DOCK6: variants seen among roughly 807,000 people sequenced by gnomAD.
DOCK6 encodes dedicator of cytokinesis 6.
In DOCK6, 167 loss-of-function variants were observed where a neutral mutation model predicts 230.3. The observed-to-expected ratio is 0.73, with a 90% confidence interval of 0.64 to 0.82. The LOEUF (loss-of-function observed/expected upper bound fraction) is 0.82, where lower values mean the gene tolerates loss of function less well. DOCK6 is among the 40% of genes least tolerant of loss of function. The pLI is 0.00. For synonymous variants in DOCK6, 1,148 were observed against 1,185.0 expected (o/e 0.97, Z 0.64); for missense variants, 2,598 against 2,825.8 (o/e 0.92, Z 1.83).
At chr19:11,258,797 C>A (rs562181388) in intron 1 of DOCK6, among the ~76,000 whole-genome samples, 1 of 141,566 alleles carries the variant, frequency 7.1e-6, no homozygotes, top group Non-Finnish European at 1.5e-5. Context: ...GTCTCTGTCA[C>A]CCAGGCTGGA....
Position 11,243,026 on chromosome 19 carries a change from T to C in DOCK6, c.1480+33A>G, listed in dbSNP as rs771187521. The C allele has an allele frequency of 6.2e-7, 1 of 1,611,436 alleles. No individual in the cohort carries two copies. The highest frequency in any genetic ancestry group is 1.1e-5 in the South Asian group (1 of 91,050). ...GGTTTGTTGAGTGGCTGAGTGAGAG[T>C]GATACTTCTTGTGTATGGGGTGTGC... On this transcript the variant is annotated intron_variant, in intron 13 of 47. Transcript: ENST00000294618. This position sits in a 1 kb window ranked among gnomAD's most constrained non-coding sequence, Gnocchi z 6.3.
chr19:11,259,881 CTTTT>C (rs1205836383), intron 1 of DOCK6, among the ~76,000 whole-genome samples: 2 of 67,780 alleles, frequency 3.0e-5, no homozygotes, highest in African/African-American at 6.0e-5. Flanking sequence ...CGCGCCCGGC[CTTTT>C]TTTTTTTTTT....
chr19:11,224,052 T>A (rs2079622975), intron 24 of DOCK6, among the ~76,000 whole-genome samples: 2 of 152,082 alleles, frequency 1.3e-5, no homozygotes, highest in African/African-American at 4.8e-5. Context: ...ATCCAGTGTG[T>A]GTGTGTGGGG....
chr19:11,228,945 G>C lies in DOCK6; in HGVS notation c.2809C>G (p.Leu937Val). The change falls in exon 23 of 48, where the codon CTC becomes GTC. Residue 937 changes from leucine to valine, a missense_variant. Coordinates refer to ENST00000294618, the MANE Select transcript of DOCK6 (RefSeq NM_020812.4). ...CAGGGAGGAGGGGGTCTCACCATGA[G>C]CTGGAAGAAGAACCAGGCGTGCTGG... Reference protein sequence around the residue: ...ILQHAWFFFQLMVKSMALHLL... With the variant: ...ILQHAWFFFQVMVKSMALHLL... 6.2e-7 allele frequency: 1 copy of C among 1,613,820 alleles called. No homozygotes were observed. The highest frequency in any genetic ancestry group is 1.1e-5 in the South Asian group (1 of 91,078).
At chr19:11,257,507 A>AAG (rs55968166) in intron 1 of DOCK6, among the ~76,000 whole-genome samples, 2 of 149,022 alleles carry the variant, frequency 1.3e-5, no homozygotes, top group African/African-American at 5.0e-5. Context: ...AAAAAAAAAA[A>AAG]GCTGGGCACT....
In DOCK6 at chr19:11,233,769, G is replaced by C. The variant is rs567203715; in HGVS notation, c.2555-403C>G. Among the ~76,000 whole-genome samples, 181 of 152,252 alleles carry C rather than the reference G, an allele frequency of 1.2e-3. 2 individuals carry two copies. Among genetic ancestry groups the C allele is most frequent in the African/African-American group, 4.1e-3 (170 of 41,560 alleles). On this transcript the variant is annotated intron_variant, in intron 21 of 47. Transcript: ENST00000294618. ...GCAACAGGATTACTTGAGCCCAGGA[G>C]TTTAAGGCAGCAGTGAGTTATGATC...
In DOCK6 at chr19:11,213,284, G is replaced by C; in HGVS notation, c.4383C>G (p.Asp1461Glu). Residue 1461 changes from aspartate (D) to glutamate (E), a missense_variant, in exon 35 of 48, where the codon GAC becomes GAG. Physicochemically the swap from Asp to Glu is conservative, Grantham distance 45. Transcript: ENST00000294618. ...AGTGTCGTAGGAGCCTCAGGCACAG[G>C]TCGGCACACAGCTCCGTGTCCTCCT... The part of the protein sequence containing the change: ...LFEEDTELCA[D>E]LCLRLLRHCG... 6.2e-7 allele frequency: 1 copy of C among 1,612,892 alleles called. No homozygotes were observed.
In DOCK6 at chr19:11,249,986, A is replaced by G. The variant is rs1178216764; in HGVS notation, c.720+888T>C. 4.7e-5 allele frequency among the ~76,000 whole-genome samples: 7 copies of G among 150,510 alleles called. No individual in the cohort carries two copies. The East Asian group carries it at 7.8e-4, about 17-fold the overall frequency. On this transcript the variant is annotated intron_variant, in intron 6 of 47. Transcript: ENST00000294618. ...ATACTGGTTAGCTAACTATAAAGGTATATAGTAGGTGTCCATATACAGAAG... is the reference window on the plus strand; with the variant it reads ...ATACTGGTTAGCTAACTATAAAGGTGTATAGTAGGTGTCCATATACAGAAG...
intron 1 of DOCK6, among the ~76,000 whole-genome samples, chr19:11,256,377 C>G (rs1042696907): frequency 1.3e-5 from 2 of 152,136 alleles, no homozygotes; most frequent in African/African-American, 4.8e-5. Context: ...TCCTTTTCCC[C>G]TTGGCCTTGG....
Position 11,248,095 on chromosome 19 carries a change from T to C in DOCK6, c.777A>G (p.Gln259=), listed in dbSNP as rs761196348. Residue 259 remains glutamine, a synonymous_variant, in exon 7 of 48, where the codon CAA becomes CAG. Transcript: ENST00000294618. ...GCGACAGACACTTGACCAAGATCCTTTGTCCAAAGTGCTCGCGGGGTGGCT... is the reference window on the plus strand; with the variant it reads ...GCGACAGACACTTGACCAAGATCCTCTGTCCAAAGTGCTCGCGGGGTGGCT... The part of the protein sequence containing the change: ...RPEPPREHFG[Q]RILVKCLSLK... The C allele has an allele frequency of 6.2e-7, 1 of 1,612,682 alleles. No homozygotes were observed. Among genetic ancestry groups the C allele is most frequent in the Non-Finnish European group, 8.5e-7 (1 of 1,179,452 alleles).
chr19:11,230,085 G>A lies in DOCK6; in HGVS notation c.2719-1050C>T, dbSNP rs923758607. On this transcript the variant is annotated intron_variant, in intron 22 of 47. Coordinates refer to ENST00000294618, the MANE Select transcript of DOCK6 (RefSeq NM_020812.4). ...AAAAAAGGAGGATGCTGTAATCCTAGCACTTTGGGAGGCCGAGGCAGGTAG... is the reference window on the plus strand; with the variant it reads ...AAAAAAGGAGGATGCTGTAATCCTAACACTTTGGGAGGCCGAGGCAGGTAG... 2.0e-5 allele frequency among the ~76,000 whole-genome samples: 3 copies of A among 149,400 alleles called. No individual in the cohort carries two copies. In the East Asian group the frequency reaches 5.9e-4, roughly 29 times the overall value.
At position 11,250,985 on chromosome 19, in the gene DOCK6, C is replaced by T. The variant is rs1308981765; in HGVS notation, c.609G>A (p.Leu203=). ...DLRNLAADSL[L]PSLLERAAPE... ...GGGCCGCCCGCTCTAGCAGAGAGGG[C>T]AGCAATGAGTCAGCTGCCAGGTTCC... The change falls in exon 6 of 48, where the codon CTG becomes CTA. Residue 203 remains leucine, a synonymous_variant. Transcript: ENST00000294618. 9.3e-6 allele frequency: 15 copies of T among 1,613,826 alleles called. No individual in the cohort carries two copies. Among genetic ancestry groups the T allele is most frequent in the Non-Finnish European group, 1.3e-5 (15 of 1,179,872 alleles).
intron 1 of DOCK6, among the ~76,000 whole-genome samples, chr19:11,259,485 T>C (rs922028254): frequency 3.3e-5 from 5 of 151,476 alleles, no homozygotes; most frequent in African/African-American, 1.2e-4. Context: ...AGTGGTAACT[T>C]TGGGATTTTG....
In DOCK6 at chr19:11,200,781, C is replaced by CG. The variant is rs753082503; in HGVS notation, c.5873dup (p.Glu1959GlyfsTer24). The CG allele has an allele frequency of 6.2e-7, 1 of 1,613,306 alleles. No individual in the cohort carries two copies. The highest frequency in any genetic ancestry group is 1.3e-5 in the African/African-American group (1 of 74,896). On this transcript the variant is annotated frameshift_variant, in exon 46 of 48. Coordinates refer to ENST00000294618, the MANE Select transcript of DOCK6 (RefSeq NM_020812.4). LOFTEE classifies it high-confidence loss of function. This position sits in a 1 kb window ranked among gnomAD's most constrained non-coding sequence, Gnocchi z 4.3. Reference sequence around the variant, plus strand: ...GATGCCGGAAGAGCTTGGGGTCTTCCGGGATCTCTGCTAAAAACACCTGGG... The same window carrying CG: ...GATGCCGGAAGAGCTTGGGGTCTTCCGGGGATCTCTGCTAAAAACACCTGGG...
In DOCK6 at chr19:11,243,725, C is replaced by G. The variant is rs377289176; in HGVS notation, c.1105-15G>C. Reference sequence around the variant, plus strand: ...TTCTCTTTGTTCTGTGGGGAGACCCCGTCCCCTGCCAGCTCAGCATCCTAG... The same window carrying G: ...TTCTCTTTGTTCTGTGGGGAGACCCGGTCCCCTGCCAGCTCAGCATCCTAG... On this transcript the variant is annotated splice_polypyrimidine_tract_variant and intron_variant, in intron 10 of 47. Coordinates refer to ENST00000294618, the MANE Select transcript of DOCK6 (RefSeq NM_020812.4). This position sits in a 1 kb window ranked among gnomAD's most constrained non-coding sequence, Gnocchi z 6.3. 2 of 1,613,708 alleles carry G rather than the reference C, an allele frequency of 1.2e-6. No homozygotes were observed. The highest frequency in any genetic ancestry group is 1.7e-6 in the Non-Finnish European group (2 of 1,179,820).
chr19:11,258,835 C>A (rs145615531), intron 1 of DOCK6, among the ~76,000 whole-genome samples: 1,861 of 151,894 alleles, frequency 0.012, 36 homozygotes, highest in African/African-American at 0.042. Flanking sequence ...CAGCTCACTG[C>A]AACCTCCACG....
intron 18 of DOCK6, 176 bp downstream of exon 18, chr19:11,237,280 G>A: frequency 1.5e-6 from 1 of 674,638 alleles, no homozygotes; most frequent in Admixed American, 2.5e-5. Context: ...GGAATCTTTG[G>A]GGAGGACATG....
chr19:11,259,183 C>G (rs2080244044), intron 1 of DOCK6, among the ~76,000 whole-genome samples: 1 of 152,106 alleles, frequency 6.6e-6, no homozygotes, highest in African/African-American at 2.4e-5. Context: ...TCCCCAGGAG[C>G]TGGGACTACA....
chr19:11,207,489 C>T (rs1443492264), intron 39 of DOCK6, among the ~76,000 whole-genome samples: 2 of 152,072 alleles, frequency 1.3e-5, no homozygotes, highest in East Asian at 3.9e-4. Flanking sequence ...AGCCACTGCA[C>T]CTGACTCATT....
Sources: gnomAD v4.1 joint callset for allele counts (sites outside exome capture counted in the v4.1 genomes callset) on GRCh38, gnomAD v4.1.1 for gene constraint, Gnocchi (gnomAD v3.1) non-coding constraint, MANE v1.5 for transcripts, NCBI Gene and HGNC (gene_info 2026-07-23, HGNC 2026-07-21) for gene names.